PRKDC: variants seen among roughly 807,000 people sequenced by gnomAD.
PRKDC encodes the protein DNA-dependent protein kinase catalytic subunit.
In PRKDC, 82 loss-of-function variants were observed where a neutral mutation model predicts 486.9. That is an observed-to-expected ratio of 0.17 (90% confidence interval 0.14 to 0.20). The LOEUF is 0.20. Among genes scored for constraint, PRKDC ranks in the 10% least tolerant of loss-of-function variants. The pLI is 1.00. For missense variants in PRKDC, 4,504 were observed against 5,038.2 expected, an observed-to-expected ratio of 0.89 and a Z score of 3.21; for synonymous variants, 1,895 against 1,837.0, an observed-to-expected ratio of 1.03 and a Z score of -0.81.
chr8:47,775,970 C>T (rs896554927), intron 85 of PRKDC, among the ~76,000 whole-genome samples: 7 of 152,096 alleles, frequency 4.6e-5, no homozygotes, highest in South Asian at 2.1e-4. Context: ...ATTACAGGTG[C>T]GCACCACCAT....
At chr8:47,860,727 T>A (rs2088658154) in intron 45 of PRKDC, among the ~76,000 whole-genome samples, 172 bp downstream of exon 45, 1 of 152,232 alleles carries the variant, frequency 6.6e-6, no homozygotes, top group Non-Finnish European at 1.5e-5. Flanking sequence ...CAAAATATAA[T>A]TCCATTTGCC....
At chr8:47,872,811 G>A (rs569330158) in intron 40 of PRKDC, among the ~76,000 whole-genome samples, 1 of 152,172 alleles carries the variant, frequency 6.6e-6, no homozygotes, top group African/African-American at 2.4e-5. Context: ...AGCTAAAGGG[G>A]TGAGACAGAC....
chr8:47,873,544 C>G (rs987913161), intron 40 of PRKDC, among the ~76,000 whole-genome samples: 2 of 152,114 alleles, frequency 1.3e-5, no homozygotes, highest in Non-Finnish European at 2.9e-5. Flanking sequence ...ATCAGTATAT[C>G]GAAGAGGTAC....
intron 38 of PRKDC, among the ~76,000 whole-genome samples, chr8:47,880,820 G>A (rs1386317313): frequency 2.0e-5 from 3 of 151,976 alleles, no homozygotes; most frequent in African/African-American, 4.8e-5. Context: ...TTGGGAGGCC[G>A]AGGCAGGCAG....
At chr8:47,888,182 C>T in intron 34 of PRKDC, among the ~76,000 whole-genome samples, 1 of 152,180 alleles carries the variant, frequency 6.6e-6, no homozygotes, top group Admixed American at 6.5e-5. Context: ...CTGGCTCAAC[C>T]TTGCTTTCTA....
At position 47,943,836 on chromosome 8, in the gene PRKDC, T is replaced by A. The variant is rs764431253; in HGVS notation, c.808+17A>T. ...AGTAATCTAAAATATTATACCTCATTATAAACAGAATCCTACCTGAGGGCA... is the reference window on the plus strand; with the variant it reads ...AGTAATCTAAAATATTATACCTCATAATAAACAGAATCCTACCTGAGGGCA... On this transcript the variant is annotated intron_variant, in intron 9 of 85. Transcript: ENST00000314191. The A allele has an allele frequency of 6.4e-7, 1 of 1,562,172 alleles. No individual in the cohort carries two copies. Among genetic ancestry groups the A allele is most frequent in the East Asian group, 2.3e-5 (1 of 43,648 alleles).
rs191226016 is a variant in PRKDC, at chr8:47,795,934, G to A, written c.10459-1433C>T. Among the ~76,000 whole-genome samples the A allele has an allele frequency of 7.3e-3, 1,104 of 150,318 alleles. 8 individuals carry two copies. The highest frequency in any genetic ancestry group is 0.01 in the Middle Eastern group (3 of 286). On this transcript the variant is annotated intron_variant, in intron 73 of 85. Coordinates refer to ENST00000314191, the MANE Select transcript of PRKDC (RefSeq NM_006904.7). ...TATGAGACAAGAGTCTCACTGTGTC[G>A]CCCAGGCTGGAGTGCAGTGGCGCCA...
At position 47,831,817 on chromosome 8, in the gene PRKDC, C is replaced by A. The variant is rs757087185; in HGVS notation, c.8262G>T (p.Glu2754Asp). ...AAATTCTTGACAAGATACAAACCTT[C>A]TCTCGTTTTTGCTCAGCAACGCCTT... The part of the protein sequence containing the change: ...ARKGVAEQKR[E>D]KEIKSELKMK... The change falls in exon 60 of 86, where the codon GAG (glutamate) becomes GAT (aspartate). Residue 2754 changes from glutamate to aspartate, a missense_variant. Glu to Asp is a conservative substitution (Grantham distance 45). Transcript: ENST00000314191. 9.9e-6 allele frequency: 16 copies of A among 1,613,760 alleles called. No individual in the cohort carries two copies. Among genetic ancestry groups the A allele is most frequent in the Non-Finnish European group, 1.4e-5 (16 of 1,179,660 alleles).
At chr8:47,920,101 A>G (rs528935366) in intron 21 of PRKDC, among the ~76,000 whole-genome samples, 1 of 152,322 alleles carries the variant, frequency 6.6e-6, no homozygotes, top group African/African-American at 2.4e-5. Flanking sequence ...CATTTTAGTT[A>G]ATCTATAATC....
intron 7 of PRKDC, among the ~76,000 whole-genome samples, chr8:47,945,262 A>C (rs1423787846): frequency 2.0e-5 from 3 of 152,212 alleles, no homozygotes; most frequent in Non-Finnish European, 4.4e-5. Flanking sequence ...GTGGTAAAAC[A>C]GACATATTTA....
intron 51 of PRKDC, 53 bp from the exon 52 acceptor site, chr8:47,852,837 C>T (rs897705406): frequency 2.6e-6 from 3 of 1,175,602 alleles, no homozygotes; most frequent in East Asian, 2.6e-5. Context: ...TCTGTTGTTC[C>T]ACAAATATAA....
At chr8:47,841,043 T>A (rs2088129129) in intron 54 of PRKDC, among the ~76,000 whole-genome samples, 1 of 152,058 alleles carries the variant, frequency 6.6e-6, no homozygotes, top group Non-Finnish European at 1.5e-5. Context: ...GCCTGCACAG[T>A]CTCCGGGTGC....
At chr8:47,881,059 AAAGAAAGCAAGAAAGC>A (rs796463191) in intron 38 of PRKDC, among the ~76,000 whole-genome samples, 61 of 148,978 alleles carry the variant, frequency 4.1e-4, no homozygotes, top group South Asian at 8.5e-4. Context: ...AAAAAAAAAA[AAAGAAAGCAAGAAAGC>A]AAGAAAGCAA....
At chr8:47,903,665 C>CTT (rs1330686765) in intron 26 of PRKDC, among the ~76,000 whole-genome samples, 1 of 152,214 alleles carries the variant, frequency 6.6e-6, no homozygotes, top group African/African-American at 2.4e-5. Context: ...CATGCTGCTT[C>CTT]TTTACCTTTT....
intron 54 of PRKDC, 98 bp from the exon 55 acceptor site, chr8:47,840,287 G>A: frequency 1.1e-6 from 1 of 906,920 alleles, no homozygotes; most frequent in East Asian, 2.7e-5. Context: ...TTCAAAATTA[G>A]TTATAATAGA....
intron 48 of PRKDC, among the ~76,000 whole-genome samples, chr8:47,857,634 A>G (rs2088574290): frequency 6.6e-6 from 1 of 152,082 alleles, no homozygotes; most frequent in African/African-American, 2.4e-5. Flanking sequence ...CTCTCGAAGG[A>G]ACCAACCCTG....
chr8:47,939,645 T>C lies in PRKDC; in HGVS notation c.1019A>G (p.Tyr340Cys). Residue 340 changes from tyrosine (Y) to cysteine (C), a missense_variant, in exon 11 of 86, where the codon TAC becomes TGC. This residue lies in a region of PRKDC where 1,969 missense variants were observed against 2,068.9 expected (regional missense o/e 0.95). Coordinates refer to ENST00000314191, the MANE Select transcript of PRKDC (RefSeq NM_006904.7). ...NAEMHKNKLQ[Y>C]FMEQFYGIIR... ...GATTCCATAAAACTGCTCCATAAAGTACTGCAGTTTATTTTTATGCATTTC... is the reference window on the plus strand; with the variant it reads ...GATTCCATAAAACTGCTCCATAAAGCACTGCAGTTTATTTTTATGCATTTC... The C allele has an allele frequency of 6.2e-7, 1 of 1,611,630 alleles. No homozygotes were observed. Among genetic ancestry groups the C allele is most frequent in the Non-Finnish European group, 8.5e-7 (1 of 1,178,712 alleles).
At chr8:47,816,575 C>A (rs1014665929) in intron 68 of PRKDC, among the ~76,000 whole-genome samples, 6 of 152,052 alleles carry the variant, frequency 3.9e-5, no homozygotes, top group Admixed American at 2.6e-4. Context: ...AAGAAAAATT[C>A]TTTTTCTTAA....
At chr8:47,884,956 G>A (rs2089295914) in intron 36 of PRKDC, among the ~76,000 whole-genome samples, 1 of 152,234 alleles carries the variant, frequency 6.6e-6, no homozygotes, top group Non-Finnish European at 1.5e-5. Context: ...CCGGGGTGCA[G>A]AGACCTGCCT....
Sources: gnomAD v4.1 joint callset for allele counts (sites outside exome capture counted in the v4.1 genomes callset) on GRCh38, gnomAD v4.1.1 for gene constraint, gnomAD v4.1.1 regional missense constraint, MANE v1.5 for transcripts, NCBI Gene and HGNC (gene_info 2026-07-23, HGNC 2026-07-21) for gene names.